The following ZFPM2 variants were observed in gnomAD, a reference collection of about 807,000 sequenced individuals.
ZFPM2 encodes the protein zinc finger protein ZFPM2.
A neutral mutation model predicts 98.6 loss-of-function variants in ZFPM2; 20 were observed. The ratio of observed to expected loss-of-function variants is 0.20; its 90% CI spans 0.14 to 0.29. ZFPM2 has a LOEUF of 0.29. ZFPM2 is among the 10% of genes least tolerant of loss of function. The pLI is 1.00. For missense variants in ZFPM2, 1,310 were observed against 1,388.6 expected, an observed-to-expected ratio of 0.94 and a Z score of 0.90; for synonymous variants, 518 against 502.7, an observed-to-expected ratio of 1.03 and a Z score of -0.41.
At chr8:105,499,205 A>G (rs1563686754) in intron 3 of ZFPM2, among the ~76,000 whole-genome samples, 1 of 151,486 alleles carries the variant, frequency 6.6e-6, no homozygotes, top group Non-Finnish European at 1.5e-5. Context: ...TTCTGCCACA[A>G]TTCAGGCAAT....
At chr8:105,669,241 T>A (rs75865001) in intron 5 of ZFPM2, among the ~76,000 whole-genome samples, 6,610 of 152,144 alleles carry the variant, frequency 0.043, 188 homozygotes, top group Middle Eastern at 0.14. Context: ...CTTCAATACA[T>A]ATATACGTAA....
rs1167491886 is a variant in ZFPM2, at chr8:105,791,439, C to T, written c.739+2515C>T. Among the ~76,000 whole-genome samples the T allele has an allele frequency of 3.9e-5, 6 of 152,200 alleles. No individual in the cohort carries two copies. The East Asian group carries it at 7.7e-4, about 20-fold the overall frequency. On this transcript the variant is annotated intron_variant, in intron 6 of 7. Transcript: ENST00000407775. ...CCAGCCTTGCATCCCAGGGATGAAG[C>T]CCACTTGATCATGGTGGATAAGCTT...
chr8:105,579,018 A>G (rs1388332032), intron 4 of ZFPM2, among the ~76,000 whole-genome samples: 6 of 152,124 alleles, frequency 3.9e-5, no homozygotes, highest in Non-Finnish European at 8.8e-5. Flanking sequence ...CTTCTGTTGA[A>G]TATTTCTATT....
chr8:105,491,150 T>G (rs1215538205), intron 3 of ZFPM2, among the ~76,000 whole-genome samples: 1 of 152,128 alleles, frequency 6.6e-6, no homozygotes, highest in East Asian at 1.9e-4. Context: ...CTGAAGACCA[T>G]TTCAACCAAA....
intron 4 of ZFPM2, among the ~76,000 whole-genome samples, chr8:105,622,965 A>G (rs1816582539): frequency 6.6e-6 from 1 of 152,206 alleles, no homozygotes; most frequent in Admixed American, 6.6e-5. Flanking sequence ...CCATCTATAA[A>G]CATAAACTAT....
At chr8:105,716,181 A>G (rs532443286) in intron 5 of ZFPM2, among the ~76,000 whole-genome samples, 3 of 149,842 alleles carry the variant, frequency 2.0e-5, no homozygotes, top group Non-Finnish European at 4.4e-5. Context: ...ATAAATATGT[A>G]AATAAAATTT....
At chr8:105,329,931 T>C (rs1232189068) in intron 1 of ZFPM2, among the ~76,000 whole-genome samples, 1 of 151,800 alleles carries the variant, frequency 6.6e-6, no homozygotes, top group Non-Finnish European at 1.5e-5. Context: ...TCTTGACACA[T>C]ATTCAAATCA....
rs575836801 is a variant in ZFPM2, at chr8:105,768,010, T to C, written c.533-20708T>C. ...TTTGATTGATCTTATAGCAGGCATC[T>C]CCAGTTAAATGTGCAATTGCATATG... On this transcript the variant is annotated intron_variant, in intron 5 of 7. Transcript: ENST00000407775. Among the ~76,000 whole-genome samples, 25 of 151,966 alleles carry C rather than the reference T, an allele frequency of 1.6e-4. No individual in the cohort carries two copies. The East Asian group carries it at 1.9e-3, about 12-fold the overall frequency.
chr8:105,359,360 T>C (rs985983363), intron 1 of ZFPM2, among the ~76,000 whole-genome samples: 4 of 124,422 alleles, frequency 3.2e-5, no homozygotes, highest in African/African-American at 7.5e-5. Flanking sequence ...TCTTTTTCTT[T>C]TTCTTTCTTT....
At chr8:105,781,024 G>A (rs1813233786) in intron 5 of ZFPM2, among the ~76,000 whole-genome samples, 1 of 152,224 alleles carries the variant, frequency 6.6e-6, no homozygotes, top group African/African-American at 2.4e-5. Flanking sequence ...TCTACACTAT[G>A]TAAAATGCAG....
intron 3 of ZFPM2, among the ~76,000 whole-genome samples, chr8:105,551,869 A>C (rs1294755204): frequency 6.6e-6 from 1 of 152,180 alleles, no homozygotes; most frequent in Non-Finnish European, 1.5e-5. Context: ...TTTGTTATAG[A>C]TATCAAGCTA....
chr8:105,544,850 G>A (rs1263475898), intron 3 of ZFPM2, among the ~76,000 whole-genome samples: 3 of 152,134 alleles, frequency 2.0e-5, no homozygotes, highest in Non-Finnish European at 2.9e-5. Flanking sequence ...CCACATGTTC[G>A]TACACAGCTT....
intron 4 of ZFPM2, among the ~76,000 whole-genome samples, chr8:105,575,044 ATTCTTGGTGCAT>A (rs1396723841): frequency 2.6e-5 from 4 of 152,114 alleles, no homozygotes; most frequent in Non-Finnish European, 5.9e-5. Flanking sequence ...AGGCAGTGTT[ATTCTTGGTGCAT>A]TTCTTCAAAA....
chr8:105,417,278 T>C (rs1441741226), intron 1 of ZFPM2, among the ~76,000 whole-genome samples: 1 of 152,158 alleles, frequency 6.6e-6, no homozygotes, highest in Non-Finnish European at 1.5e-5. Context: ...ATAATTCTCA[T>C]ACTTACTTCA....
intron 2 of ZFPM2, among the ~76,000 whole-genome samples, chr8:105,441,498 G>T (rs868443173): frequency 9.4e-6 from 1 of 105,906 alleles, no homozygotes; most frequent in Non-Finnish European, 1.9e-5. Context: ...AAGAAAGAAA[G>T]AAATCAAAGC....
Position 105,598,836 on chromosome 8 carries a change from A to G in ZFPM2, c.421-35410A>G, listed in dbSNP as rs531592198. Among the ~76,000 whole-genome samples the G allele has an allele frequency of 7.1e-4, 108 of 152,110 alleles. 1 individual carries two copies. In the East Asian group the frequency reaches 0.02, roughly 28 times the overall value. On this transcript the variant is annotated intron_variant, in intron 4 of 7. Transcript: ENST00000407775. ...TACTTCTAGCAACCAATTACTACAT[A>G]CAAAAAAAACTTTCCCCAATTATGA...
chr8:105,437,776 C>A (rs1245925010), intron 2 of ZFPM2, among the ~76,000 whole-genome samples: 1 of 152,150 alleles, frequency 6.6e-6, no homozygotes, highest in Non-Finnish European at 1.5e-5. Context: ...GGAGTGGTGG[C>A]TCACGCCTGT....
intron 3 of ZFPM2, among the ~76,000 whole-genome samples, chr8:105,448,868 C>T (rs931505572): frequency 1.3e-5 from 2 of 152,010 alleles, no homozygotes; most frequent in Non-Finnish European, 2.9e-5. Flanking sequence ...CTTTGTTAAA[C>T]ACTTTTCACT....
intron 5 of ZFPM2, among the ~76,000 whole-genome samples, chr8:105,658,610 A>AAGAAATC (rs1817333133): frequency 2.5e-5 from 1 of 40,554 alleles, no homozygotes; most frequent in Admixed American, 2.4e-4. Context: ...AAAAAAAAAA[A>AAGAAATC]AGAAATCAAA....
Sources: gnomAD v4.1 joint callset for allele counts (sites outside exome capture counted in the v4.1 genomes callset) on GRCh38, gnomAD v4.1.1 for gene constraint, MANE v1.5 for transcripts, NCBI Gene and HGNC (gene_info 2026-07-23, HGNC 2026-07-21) for gene names.